SMARCA2: variants seen among roughly 807,000 people sequenced by gnomAD.
The protein encoded by SMARCA2 is SWI/SNF related BAF chromatin remodeling complex subunit ATPase 2.
SMARCA2 carries 61 observed loss-of-function variants against 199.8 expected under a neutral mutation model. That is an observed-to-expected ratio of 0.31 (90% CI 0.25 to 0.38). The LOEUF is 0.38. SMARCA2 is among the 10% of genes least tolerant of loss of function. SMARCA2 has a pLI of 1.00. For missense variants in SMARCA2, 1,344 were observed against 2,012.2 expected (o/e 0.67, Z 6.35); for synonymous variants, 935 against 732.0 (o/e 1.28, Z -4.48).
chr9:2,191,185 G>A (rs1328713962), intron 32 of SMARCA2, 81 bp from the exon 33 acceptor site: 1 of 1,326,726 alleles, frequency 7.5e-7, no homozygotes, highest in African/African-American at 1.5e-5. Context: ...GTTGTCTGTA[G>A]GTTGGTGATA....
chr9:2,166,703 T>A (rs1311777319), intron 28 of SMARCA2, among the ~76,000 whole-genome samples: 1 of 152,196 alleles, frequency 6.6e-6, no homozygotes, highest in African/African-American at 2.4e-5. Context: ...AAAGGACAGG[T>A]CTCTGTGACA....
At chr9:2,070,290 TAA>T in intron 9 of SMARCA2, 126 bp from the exon 10 acceptor site, 2 of 765,672 alleles carry the variant, frequency 2.6e-6, no homozygotes, top group Non-Finnish European at 4.6e-6. Context: ...TAAAAGGCAT[TAA>T]CACTTAAGCT....
In SMARCA2 at chr9:2,088,879, A is replaced by ATTTTTTTTT. The variant is rs375056248; in HGVS notation, c.2883+273_2883+281dup. 9.1e-3 allele frequency among the ~76,000 whole-genome samples: 1,253 copies of ATTTTTTTTT among 137,934 alleles called. 29 individuals are homozygous for ATTTTTTTTT. The highest frequency in any genetic ancestry group is 0.032 in the African/African-American group (1,104 of 34,800). 90.5% of individuals were successfully genotyped at this position (137,934 alleles called of 152,430 possible). A position where few individuals can be genotyped will look rare whatever the true frequency, so the allele number is the denominator to read the frequency against. On this transcript the variant is annotated intron_variant, in intron 19 of 33. Transcript: ENST00000349721. ...AGTCTCATTTACATTTTAATTTTAG[A>ATTTTTTTTT]TTTTTTTTTTTTTTTAAATTACGGA...
chr9:2,180,382 G>A (rs145845668), intron 29 of SMARCA2, among the ~76,000 whole-genome samples: 2 of 152,080 alleles, frequency 1.3e-5, no homozygotes, highest in East Asian at 1.9e-4. Flanking sequence ...GAGTTACTGC[G>A]CATGCCTTTT....
intron 27 of SMARCA2, among the ~76,000 whole-genome samples, chr9:2,149,638 G>A (rs1260711017): frequency 6.6e-6 from 1 of 151,552 alleles, no homozygotes; most frequent in African/African-American, 2.4e-5. Context: ...CTCCCACCGG[G>A]TCCTTCGCAC....
At position 2,192,784 on chromosome 9, in the gene SMARCA2, CCT is replaced by C; in HGVS notation, c.*46_*47del. ...TTGGTAGAACTGAATTCCTTCCTCC[CCT>C]GTCTCATTTCTACCCAGTGAGTTCA... On this transcript the variant is annotated 3_prime_UTR_variant, in exon 34 of 34. Transcript: ENST00000349721. 1 of 1,435,010 alleles carries C rather than the reference CCT, an allele frequency of 7.0e-7. No individual in the cohort carries two copies. The highest frequency in any genetic ancestry group is 9.8e-7 in the Non-Finnish European group (1 of 1,017,564). 88.9% of individuals were successfully genotyped at this position (1,435,010 alleles called of 1,614,324 possible).
At chr9:2,137,422 C>T (rs1824249360) in intron 27 of SMARCA2, among the ~76,000 whole-genome samples, 1 of 152,134 alleles carries the variant, frequency 6.6e-6, no homozygotes, top group African/African-American at 2.4e-5. Flanking sequence ...GCTGGATTCC[C>T]ACCTCCTTGC....
At chr9:2,076,646 C>T (rs1821336816) in intron 13 of SMARCA2, among the ~76,000 whole-genome samples, 1 of 152,054 alleles carries the variant, frequency 6.6e-6, no homozygotes, top group African/African-American at 2.4e-5. Flanking sequence ...ACCTCAGTCC[C>T]AGATTGAACT....
Position 2,083,346 on chromosome 9 carries a change from G to T in SMARCA2, c.2349-1G>T. The stretch of plus-strand genomic sequence containing the variant: ...TGTTGTTTTTTTTTTTTGTTCCATA[G>T]GACTCTATCTAACTGGACATATGAA... On this transcript the variant is annotated splice_acceptor_variant, in intron 15 of 33. Transcript: ENST00000349721. LOFTEE classifies it high-confidence loss of function. The T allele has an allele frequency of 3.2e-6, 5 of 1,551,646 alleles. No homozygotes were observed. Among genetic ancestry groups the T allele is most frequent in the East Asian group, 2.3e-5 (1 of 43,828 alleles).
In SMARCA2 at chr9:2,177,070, AG is replaced by A. The variant is rs1208739999; in HGVS notation, c.4254-4499del. On this transcript the variant is annotated intron_variant, in intron 29 of 33. Transcript: ENST00000349721. ...GTAACACCTGCTTCATGACTGGCTC[AG>A]GTTTCTGCAGGCTCTCTTGATAAGT... Among the ~76,000 whole-genome samples, 2 of 152,224 alleles carry A rather than the reference AG, an allele frequency of 1.3e-5. 1 individual carries two copies. Among genetic ancestry groups the A allele is most frequent in the Non-Finnish European group, 2.9e-5 (2 of 68,042 alleles).
chr9:2,093,326 G>T (rs943996794), intron 19 of SMARCA2, among the ~76,000 whole-genome samples: 1 of 152,170 alleles, frequency 6.6e-6, no homozygotes, highest in Non-Finnish European at 1.5e-5. Context: ...CATATATATT[G>T]ATCTTTCTCT....
At chr9:2,097,534 AAAC>A in intron 21 of SMARCA2, 63 bp downstream of exon 21, 8 of 1,015,340 alleles carry the variant, frequency 7.9e-6, no homozygotes, top group Non-Finnish European at 1.0e-5. Flanking sequence ...AGTTAAAAAA[AAAC>A]AAACAAACAG....
chr9:2,145,099 A>T (rs1248993540), intron 27 of SMARCA2, among the ~76,000 whole-genome samples: 1 of 152,134 alleles, frequency 6.6e-6, no homozygotes, highest in East Asian at 1.9e-4. Flanking sequence ...CAGGAGTTCG[A>T]AACCAGTCTG....
chr9:2,152,481 A>C (rs1191252133), intron 27 of SMARCA2, among the ~76,000 whole-genome samples: 1 of 152,180 alleles, frequency 6.6e-6, no homozygotes, highest in Non-Finnish European at 1.5e-5. Context: ...TGAACCTGGG[A>C]GGCAGAGGCT....
intron 26 of SMARCA2, among the ~76,000 whole-genome samples, chr9:2,120,198 A>G (rs1270045460): frequency 1.3e-5 from 2 of 152,214 alleles, no homozygotes; most frequent in African/African-American, 4.8e-5. Flanking sequence ...ATCTTCATCA[A>G]AGACTGATTA....
intron 27 of SMARCA2, among the ~76,000 whole-genome samples, chr9:2,153,984 A>G (rs77049361): frequency 0.048 from 7,324 of 152,272 alleles, 604 homozygotes; most frequent in African/African-American, 0.17. Context: ...CATCATTAAT[A>G]ATAAGTTATT....
At chr9:2,190,646 C>T (rs1586823498) in intron 32 of SMARCA2, among the ~76,000 whole-genome samples, 1 of 150,466 alleles carries the variant, frequency 6.6e-6, no homozygotes, top group African/African-American at 2.5e-5. Context: ...CACACACATA[C>T]ACACAGAGAG....
At chr9:2,097,548 GAA>G (rs60293281) in intron 21 of SMARCA2, 77 bp downstream of exon 21, 68 of 731,182 alleles carry the variant, frequency 9.3e-5, no homozygotes, top group East Asian at 2.4e-4. Flanking sequence ...AAACAAACAG[GAA>G]AAAAAAAAAC....
At chr9:2,049,619 C>A (rs1820029967) in intron 5 of SMARCA2, among the ~76,000 whole-genome samples, 2 of 152,182 alleles carry the variant, frequency 1.3e-5, no homozygotes, top group African/African-American at 4.8e-5. Context: ...TTTCTCATGG[C>A]CACCTGGAGA....
Sources: gnomAD v4.1 joint callset for allele counts (sites outside exome capture counted in the v4.1 genomes callset) on GRCh38, gnomAD v4.1.1 for gene constraint, MANE v1.5 for transcripts, NCBI Gene and HGNC (gene_info 2026-07-23, HGNC 2026-07-21) for gene names.